EFNA5: variants seen among roughly 807,000 people sequenced by gnomAD.
EFNA5 encodes the protein ephrin A5, also known as ephrin-A5.
A neutral mutation model predicts 22.9 loss-of-function variants in EFNA5; 5 were observed. That is an observed-to-expected ratio of 0.22 (90% confidence interval 0.11 to 0.46). The LOEUF (loss-of-function observed/expected upper bound fraction) is 0.46. EFNA5 is among the 20% of genes least tolerant of loss of function. The pLI is 0.99. For missense variants in EFNA5, 237 were observed against 293.3 expected, an observed-to-expected ratio of 0.81 and a Z score of 1.40; for synonymous variants, 113 against 112.2, an observed-to-expected ratio of 1.01 and a Z score of -0.04.
At chr5:107,489,741 A>C (rs1746751113) in intron 1 of EFNA5, among the ~76,000 whole-genome samples, 1 of 151,666 alleles carries the variant, frequency 6.6e-6, no homozygotes, top group South Asian at 2.1e-4. Flanking sequence ...TATTTGTGGC[A>C]AAATGAGAAA....
chr5:107,412,629 C>G (rs924897281), intron 2 of EFNA5, among the ~76,000 whole-genome samples: 1 of 152,148 alleles, frequency 6.6e-6, no homozygotes, highest in Non-Finnish European at 1.5e-5. Context: ...AACCTGCCAA[C>G]AGACAGGCAA....
intron 1 of EFNA5, among the ~76,000 whole-genome samples, chr5:107,433,784 C>G (rs1442179373): frequency 6.6e-6 from 1 of 151,710 alleles, no homozygotes; most frequent in East Asian, 1.9e-4. Context: ...GCCTGTAGTC[C>G]CAGCTACTCA....
chr5:107,640,578 G>T (rs141611473), intron 1 of EFNA5, among the ~76,000 whole-genome samples: 1 of 152,154 alleles, frequency 6.6e-6, no homozygotes, highest in Non-Finnish European at 1.5e-5. Flanking sequence ...CCTGAGGGGC[G>T]AATCCTTACT....
rs1747920873 is a variant in EFNA5, at chr5:107,535,926, T to C, written c.126-108417A>G. On this transcript the variant is annotated intron_variant, in intron 1 of 4. Transcript: ENST00000333274. ...TCATTGTCTAGTCTACACTTGTCTA[T>C]CTGGAAAGCTCATTCTTCCCTTACC... Among the ~76,000 whole-genome samples the C allele has an allele frequency of 2.6e-5, 4 of 152,218 alleles. 1 individual carries two copies. The highest frequency in any genetic ancestry group is 9.6e-5 in the African/African-American group (4 of 41,460).
At chr5:107,586,452 T>C (rs1210265553) in intron 1 of EFNA5, among the ~76,000 whole-genome samples, 2 of 152,156 alleles carry the variant, frequency 1.3e-5, no homozygotes, top group African/African-American at 2.4e-5. Flanking sequence ...AGGGAGGACG[T>C]AGAACTATGA....
intron 1 of EFNA5, among the ~76,000 whole-genome samples, chr5:107,644,072 T>C (rs541627839): frequency 6.6e-6 from 1 of 152,202 alleles, no homozygotes; most frequent in Admixed American, 6.5e-5. Flanking sequence ...TTCTCCATTC[T>C]TTGGGAAAAG....
At chr5:107,502,746 A>G (rs1747163527) in intron 1 of EFNA5, among the ~76,000 whole-genome samples, 1 of 152,192 alleles carries the variant, frequency 6.6e-6, no homozygotes, top group Non-Finnish European at 1.5e-5. Context: ...AGCACTTCTC[A>G]TTGCCTCAGG....
chr5:107,658,811 G>A (rs996100868), intron 1 of EFNA5, among the ~76,000 whole-genome samples: 7 of 152,122 alleles, frequency 4.6e-5, no homozygotes, highest in Admixed American at 2.0e-4. Context: ...GCATTTCAAC[G>A]AAATCTCCAG....
chr5:107,435,703 T>G (rs2112430180), intron 1 of EFNA5, among the ~76,000 whole-genome samples: 1 of 152,332 alleles, frequency 6.6e-6, no homozygotes, highest in East Asian at 1.9e-4. Context: ...TAAAAAAGTA[T>G]TCAAGGATAA....
intron 1 of EFNA5, among the ~76,000 whole-genome samples, chr5:107,513,938 G>A (rs1008823410): frequency 2.0e-5 from 3 of 152,166 alleles, no homozygotes; most frequent in African/African-American, 4.8e-5. Context: ...GGTCAGCGTC[G>A]CACAGGTGTT....
chr5:107,409,128 T>C (rs1182551244), intron 2 of EFNA5, among the ~76,000 whole-genome samples: 1 of 152,188 alleles, frequency 6.6e-6, no homozygotes, highest in African/African-American at 2.4e-5. Context: ...GAGTACCAGA[T>C]GCAAGACAGT....
intron 1 of EFNA5, among the ~76,000 whole-genome samples, chr5:107,637,490 A>G (rs1750397920): frequency 6.7e-6 from 1 of 149,028 alleles, no homozygotes; most frequent in Non-Finnish European, 1.5e-5. Context: ...TATTCACAGC[A>G]AGGCACTGTG....
At chr5:107,505,719 A>G (rs763622360) in intron 1 of EFNA5, among the ~76,000 whole-genome samples, 2 of 152,210 alleles carry the variant, frequency 1.3e-5, no homozygotes, top group Non-Finnish European at 2.9e-5. Flanking sequence ...TGTACACAAC[A>G]CTGTGAGAAT....
chr5:107,488,754 C>G (rs536709273), intron 1 of EFNA5, among the ~76,000 whole-genome samples: 2 of 152,108 alleles, frequency 1.3e-5, no homozygotes, highest in East Asian at 3.9e-4. Flanking sequence ...TGCAATGGCA[C>G]GATCTCAAAT....
At chr5:107,586,484 C>T (rs1465687920) in intron 1 of EFNA5, among the ~76,000 whole-genome samples, 1 of 152,208 alleles carries the variant, frequency 6.6e-6, no homozygotes, top group Non-Finnish European at 1.5e-5. Context: ...AAATGTAGGA[C>T]AAGTCTCTTC....
Position 107,411,744 on chromosome 5 carries a change from G to A in EFNA5, c.418+15473C>T, listed in dbSNP as rs555662745. Among the ~76,000 whole-genome samples, 23 of 152,248 alleles carry A rather than the reference G, an allele frequency of 1.5e-4. No individual in the cohort carries two copies. The South Asian group carries it at 3.9e-3, about 26-fold the overall frequency. On this transcript the variant is annotated intron_variant, in intron 2 of 4. Transcript: ENST00000333274. ...CACCAACTATAGGCATGGCCATCAC[G>A]CCTGGCTATTTTTAAACTTTTTTCA...
chr5:107,403,428 A>G lies in EFNA5; in HGVS notation c.419-15657T>C, dbSNP rs143404826. On this transcript the variant is annotated intron_variant, in intron 2 of 4. Coordinates refer to ENST00000333274, the MANE Select transcript of EFNA5 (RefSeq NM_001962.3). ...TTCAGTATCCAAGCATCTATGAGAG[A>G]TTGAAAGAATTTAGATGTCTCTTCT... Among the ~76,000 whole-genome samples, 700 of 152,348 alleles carry G rather than the reference A, an allele frequency of 4.6e-3. 1 individual carries two copies. The highest frequency in any genetic ancestry group is 6.0e-3 in the Non-Finnish European group (408 of 68,036).
intron 1 of EFNA5, among the ~76,000 whole-genome samples, chr5:107,569,547 GTATATATATATTTATATATATATA>G (rs1339649964): frequency 1.9e-5 from 2 of 104,422 alleles, no homozygotes; most frequent in Admixed American, 1.2e-4. Flanking sequence ...ATATATGTGT[GTATATATATATTTATATATATATA>G]TATATATATA....
chr5:107,479,966 G>A (rs920328627), intron 1 of EFNA5, among the ~76,000 whole-genome samples: 13 of 152,084 alleles, frequency 8.5e-5, no homozygotes, highest in South Asian at 2.1e-4. Flanking sequence ...CGTACTCTCC[G>A]AAATTACCCT....
Sources: gnomAD v4.1 joint callset for allele counts (sites outside exome capture counted in the v4.1 genomes callset) on GRCh38, gnomAD v4.1.1 for gene constraint, MANE v1.5 for transcripts, NCBI Gene and HGNC (gene_info 2026-07-23, HGNC 2026-07-21) for gene names.